Variants in CERS4 observed in about 807,000 individuals in gnomAD.
CERS4 encodes the protein ceramide synthase 4.
In CERS4, 65 loss-of-function variants were observed where a neutral mutation model predicts 51.8. The ratio of observed to expected loss-of-function variants is 1.26; its 90% CI spans 1.03 to 1.54. The LOEUF (loss-of-function observed/expected upper bound fraction) is 1.54, where lower values mean the gene tolerates loss of function less well. Among genes scored for constraint, CERS4 ranks in the 40% most tolerant of loss-of-function variants. CERS4 has a pLI of 0.00. For missense variants in CERS4, 563 were observed against 500.4 expected (o/e 1.13, Z -1.19); for synonymous variants, 228 against 208.4 (o/e 1.09, Z -0.81).
intron 2 of CERS4, among the ~76,000 whole-genome samples, chr19:8,234,587 T>G (rs976078497): frequency 1.5e-5 from 2 of 131,806 alleles, no homozygotes; most frequent in Non-Finnish European, 3.1e-5. Context: ...AGAGTCTTGC[T>G]CTATCCCCCA....
At chr19:8,245,927 A>G (rs1248753619) in intron 2 of CERS4, among the ~76,000 whole-genome samples, 1 of 130,960 alleles carries the variant, frequency 7.6e-6, no homozygotes, top group African/African-American at 2.7e-5. Context: ...AAAAAAAAAA[A>G]GCTGGTGGGG....
At chr19:8,257,223 C>A (rs1385236183) in intron 9 of CERS4, 146 bp downstream of exon 9, 4 of 839,422 alleles carry the variant, frequency 4.8e-6, no homozygotes, top group Non-Finnish European at 5.5e-6. Context: ...GCCCTGCCCC[C>A]TCTGTCTTCC....
chr19:8,243,899 A>T (rs1968646636), intron 2 of CERS4, among the ~76,000 whole-genome samples: 1 of 152,178 alleles, frequency 6.6e-6, no homozygotes, highest in Non-Finnish European at 1.5e-5. Flanking sequence ...CCTGTCCTGA[A>T]ATCAGCTCAT....
At chr19:8,224,134 C>T (rs1028530340) in intron 2 of CERS4, among the ~76,000 whole-genome samples, 4 of 137,378 alleles carry the variant, frequency 2.9e-5, no homozygotes, top group African/African-American at 1.1e-4. Context: ...AAAGGCCAGG[C>T]ACGGTGGCCC....
rs1248985485 is a variant in CERS4 at position 8,210,720 on chromosome 19, A to C, written c.-144A>C. ...CTGCCTTCCAGGAGCAGCTGCTGTGAATAAACACAGAAGTGGAGCTGGGGG... is the reference window on the plus strand; with the variant it reads ...CTGCCTTCCAGGAGCAGCTGCTGTGCATAAACACAGAAGTGGAGCTGGGGG... On this transcript the variant is annotated 5_prime_UTR_variant, in exon 2 of 12. Transcript: ENST00000251363. This position sits in a 1 kb window ranked among gnomAD's most constrained non-coding sequence, Gnocchi z 4.2. The C allele has an allele frequency of 2.0e-5, 3 of 152,228 alleles. No homozygotes were observed. The highest frequency in any genetic ancestry group is 2.0e-4 in the Admixed American group (3 of 15,258). The allele number at this position is 152,228 out of a possible 1,614,324, so 9.4% of individuals were successfully genotyped here. A position where few individuals can be genotyped will look rare whatever the true frequency, so the allele number is the denominator to read the frequency against.
intron 3 of CERS4, among the ~76,000 whole-genome samples, chr19:8,252,254 C>T (rs1756030985): frequency 6.6e-6 from 1 of 151,590 alleles, no homozygotes; most frequent in South Asian, 2.1e-4. Context: ...CCTGTAGTCC[C>T]AGCTACTCAG....
At chr19:8,245,125 A>C (rs191372121) in intron 2 of CERS4, among the ~76,000 whole-genome samples, 3 of 150,820 alleles carry the variant, frequency 2.0e-5, no homozygotes, top group Admixed American at 2.0e-4. Context: ...AAAAAAAAAA[A>C]AAAAAAAAAA....
intron 2 of CERS4, among the ~76,000 whole-genome samples, chr19:8,249,503 G>T (rs192642784): frequency 2.0e-5 from 3 of 151,930 alleles, no homozygotes; most frequent in African/African-American, 4.8e-5. Context: ...TGCTTTGTGG[G>T]CTCTGGGATA....
chr19:8,230,315 G>A (rs532297043), intron 2 of CERS4, among the ~76,000 whole-genome samples: 30 of 151,552 alleles, frequency 2.0e-4, no homozygotes, highest in African/African-American at 6.1e-4. Context: ...TCAGCCTCCC[G>A]AGTAGCTGGG....
intron 2 of CERS4, among the ~76,000 whole-genome samples, chr19:8,246,545 C>A (rs1032179897): frequency 1.3e-5 from 2 of 151,710 alleles, no homozygotes; most frequent in African/African-American, 4.8e-5. Context: ...AGAGTGAGAC[C>A]CTGTCTAAAA....
At chr19:8,257,376 G>A (rs150235128) in intron 9 of CERS4, among the ~76,000 whole-genome samples, 25 of 152,208 alleles carry the variant, frequency 1.6e-4, no homozygotes, top group East Asian at 9.7e-4. Context: ...ATAAAGCCCT[G>A]CCCCTCTCAG....
Position 8,261,787 on chromosome 19 carries a change from C to G in CERS4, c.948C>G (p.His316Gln). 1 of 1,614,188 alleles carries G rather than the reference C, an allele frequency of 6.2e-7. No homozygotes were observed. Among genetic ancestry groups the G allele is most frequent in the Non-Finnish European group, 8.5e-7 (1 of 1,180,022 alleles). The change falls in exon 11 of 12, where the codon CAC becomes CAG. Residue 316 changes from histidine to glutamine, a missense_variant. By Grantham distance (24) the His-to-Gln change is conservative. Transcript: ENST00000251363. Reference sequence around the variant, plus strand: ...TTCTGATGTTGCTGCAGCTGCTGCACGTGTTCTGGTCTTGCCTCATTCTGC... The same window carrying G: ...TTCTGATGTTGCTGCAGCTGCTGCAGGTGTTCTGGTCTTGCCTCATTCTGC... Reference protein sequence around the residue: ...NGLLMLLQLLHVFWSCLILRM... With the variant: ...NGLLMLLQLLQVFWSCLILRM...
At chr19:8,212,622 A>G (rs1335036606) in intron 2 of CERS4, among the ~76,000 whole-genome samples, 1 of 151,330 alleles carries the variant, frequency 6.6e-6, no homozygotes, top group Non-Finnish European at 1.5e-5. Context: ...CAGGCATCTT[A>G]CTGTTTTTTT....
chr19:8,255,967 C>T, intron 6 of CERS4, 88 bp downstream of exon 6: 2 of 1,404,926 alleles, frequency 1.4e-6, no homozygotes, highest in Non-Finnish European at 2.0e-6. Context: ...AGTGGTGCAG[C>T]CAGAGAGGAA....
intron 2 of CERS4, among the ~76,000 whole-genome samples, chr19:8,225,265 T>G (rs542254471): frequency 6.6e-6 from 1 of 151,998 alleles, no homozygotes; most frequent in South Asian, 2.1e-4. Flanking sequence ...GGGTCCCAGT[T>G]TCATGCTTAG....
rs1201754539 is a variant in CERS4, at chr19:8,262,064, CCGGGTGGCCGGG to C, written c.1143_1154del (p.Val382_Arg385del). On this transcript the variant is annotated inframe_deletion, in exon 12 of 12. Transcript: ENST00000251363. ...CAGCCCCCACTGATGGCCCTCGGAG[CCGGGTGGCCGGG>C]CGTCTGACCAACAGGCACACAACAG... The C allele has an allele frequency of 6.5e-7, 1 of 1,526,892 alleles. No individual in the cohort carries two copies. Among genetic ancestry groups the C allele is most frequent in the African/African-American group, 1.4e-5 (1 of 71,886 alleles). 94.6% of individuals were successfully genotyped at this position (1,526,892 alleles called of 1,614,324 possible). A position where few individuals can be genotyped will look rare whatever the true frequency, so the allele number is the denominator to read the frequency against.
chr19:8,238,575 C>G, intron 2 of CERS4: 2 of 985,278 alleles, frequency 2.0e-6, no homozygotes, highest in Non-Finnish European at 2.4e-6. Context: ...AGGTGGAGGC[C>G]CCTCTTTACT....
At chr19:8,261,895 C>T in intron 11 of CERS4, 35 bp from the exon 12 acceptor site, 3 of 1,612,026 alleles carry the variant, frequency 1.9e-6, no homozygotes, top group Non-Finnish European at 2.5e-6. Context: ...TCCTTCCTCC[C>T]TGCTCTGAGC....
intron 2 of CERS4, among the ~76,000 whole-genome samples, chr19:8,218,778 C>T (rs969731501): frequency 6.6e-6 from 1 of 152,164 alleles, no homozygotes; most frequent in Non-Finnish European, 1.5e-5. Context: ...CTTAAAGGGA[C>T]GATAGGTAGC....
Sources: allele counts gnomAD v4.1 joint callset (sites outside exome capture counted in the v4.1 genomes callset), GRCh38; gene constraint gnomAD v4.1.1; non-coding constraint Gnocchi (gnomAD v3.1); transcripts MANE v1.5; gene names NCBI Gene and HGNC (gene_info 2026-07-23, HGNC 2026-07-21).